NUP210L: variants seen among roughly 807,000 people sequenced by gnomAD.
The protein encoded by NUP210L is nucleoporin 210 like, also known as nuclear pore membrane glycoprotein 210-like.
A neutral mutation model predicts 208.5 loss-of-function variants in NUP210L; 74 were observed. That is an observed-to-expected ratio of 0.35 (90% confidence interval 0.29 to 0.43). NUP210L has a LOEUF of 0.43. NUP210L is among the 20% of genes least tolerant of loss of function. The pLI is 1.00. For missense variants in NUP210L, 1,843 were observed against 2,289.4 expected (o/e 0.81, Z 3.98); for synonymous variants, 780 against 816.9 (o/e 0.95, Z 0.77).
At position 154,054,395 on chromosome 1, in the gene NUP210L, C is replaced by A. The variant is rs1346259463; in HGVS notation, c.3316G>T (p.Gly1106Cys). 5.0e-6 allele frequency: 8 copies of A among 1,614,110 alleles called. No individual in the cohort carries two copies. In the East Asian group the frequency reaches 1.3e-4, roughly 27 times the overall value. Residue 1106 changes from glycine (G) to cysteine (C), a missense_variant, in exon 25 of 40, where the codon GGT becomes TGT. Transcript: ENST00000368559. ...ACGATGGATTGGGGCTGGGGGCCACCTTCAGACATTACCTGGAATTTAAAT... is the reference window on the plus strand; with the variant it reads ...ACGATGGATTGGGGCTGGGGGCCACATTCAGACATTACCTGGAATTTAAAT...
rs183456249 is a variant in NUP210L, at chr1:154,017,844, G to A, written c.4653+1089C>T. On this transcript the variant is annotated intron_variant, in intron 33 of 39. Coordinates refer to ENST00000368559, the Ensembl canonical transcript of NUP210L. ...TTGTTTCTTATAAGTCTTTCTTATT[G>A]GTTCTTCTCTCAGAGCTCCCTTTTT... is the stretch of plus-strand genomic sequence containing the variant. Among the ~76,000 whole-genome samples, 628 of 152,018 alleles carry A rather than the reference G, an allele frequency of 4.1e-3. 2 individuals carry two copies. Among genetic ancestry groups the A allele is most frequent in the Non-Finnish European group, 5.1e-3 (347 of 67,942 alleles).
At chr1:153,999,035 G>C (rs1650058452) in intron 37 of NUP210L, among the ~76,000 whole-genome samples, 1 of 151,882 alleles carries the variant, frequency 6.6e-6, no homozygotes, top group Non-Finnish European at 1.5e-5. Flanking sequence ...TCAGCTCTTG[G>C]GGAAAAATAC....
intron 16 of NUP210L, among the ~76,000 whole-genome samples, chr1:154,072,711 A>C (rs547546491): frequency 6.6e-6 from 1 of 152,302 alleles, no homozygotes; most frequent in East Asian, 1.9e-4. Context: ...GATAACTGGC[A>C]AGCCACATGT....
intron 18 of NUP210L, 119 bp from the exon 19 acceptor site, chr1:154,061,165 G>T: frequency 1.6e-6 from 1 of 638,712 alleles, no homozygotes; most frequent in Non-Finnish European, 2.7e-6. Context: ...ATCACCTGAG[G>T]CCAGGAGTTT....
intron 37 of NUP210L, among the ~76,000 whole-genome samples, chr1:153,996,204 A>G (rs1649853439): frequency 6.6e-6 from 1 of 152,100 alleles, no homozygotes; most frequent in Non-Finnish European, 1.5e-5. Flanking sequence ...AGGCAGAAGA[A>G]TGGCGTGAAC....
chr1:153,998,327 G>C (rs1650017518), intron 37 of NUP210L, among the ~76,000 whole-genome samples: 1 of 152,034 alleles, frequency 6.6e-6, no homozygotes, highest in Non-Finnish European at 1.5e-5. Flanking sequence ...GGCCAAGGTG[G>C]GTGGATCATT....
chr1:154,027,562 G>A, exon 29 of NUP210L: 2 of 1,613,448 alleles, frequency 1.2e-6, no homozygotes, highest in Non-Finnish European at 1.7e-6. Context: ...GCTCTGGTTG[G>A]CACTCTGGAT....
Position 154,106,432 on chromosome 1 carries a change from T to C in NUP210L, c.1621-2222A>G, listed in dbSNP as rs540773711. On this transcript the variant is annotated intron_variant, in intron 12 of 39. Transcript: ENST00000368559. ...AACCTGCCCTGGGCTGGTGAGGAGC[T>C]TCCCATCCTGAAACGAAGGCCACAA... 1.3e-3 allele frequency among the ~76,000 whole-genome samples: 195 copies of C among 152,248 alleles called. 2 individuals are homozygous for C. The South Asian group carries it at 0.02, about 16-fold the overall frequency.
At chr1:154,036,741 C>G (rs1652579880) in intron 27 of NUP210L, among the ~76,000 whole-genome samples, 1 of 152,014 alleles carries the variant, frequency 6.6e-6, no homozygotes, top group Admixed American at 6.6e-5. Flanking sequence ...TTATAGCTCA[C>G]TGCTGGCTTG....
At chr1:154,070,535 C>T (rs936745793) in intron 16 of NUP210L, 70 bp from the exon 17 acceptor site, 6 of 1,047,770 alleles carry the variant, frequency 5.7e-6, no homozygotes, top group African/African-American at 1.6e-5. Flanking sequence ...TAAGATATCT[C>T]TAAAGCTAGG....
At chr1:154,148,782 A>G (rs1237304017) in intron 2 of NUP210L, among the ~76,000 whole-genome samples, 1 of 152,164 alleles carries the variant, frequency 6.6e-6, no homozygotes, top group Non-Finnish European at 1.5e-5. Flanking sequence ...GGGGTCTATG[A>G]ACAAAAAACA....
intron 35 of NUP210L, among the ~76,000 whole-genome samples, 173 bp downstream of exon 35, chr1:154,009,792 CAAAAAAA>C (rs373230285): frequency 1.6e-3 from 103 of 64,588 alleles, no homozygotes; most frequent in African/African-American, 4.4e-3. Context: ...GACCCAGTCT[CAAAAAAA>C]AAAAAAAAAA....
At chr1:154,013,920 A>G (rs1651105850) in intron 33 of NUP210L, among the ~76,000 whole-genome samples, 1 of 151,930 alleles carries the variant, frequency 6.6e-6, no homozygotes, top group African/African-American at 2.4e-5. Flanking sequence ...ACGTGCCACC[A>G]TGCCTGGCTG....
chr1:154,129,403 CA>C (rs1381799613), intron 7 of NUP210L, 58 bp from the exon 8 acceptor site: 7 of 994,134 alleles, frequency 7.0e-6, no homozygotes, highest in Non-Finnish European at 9.4e-6. Flanking sequence ...GGTGAGGTAC[CA>C]AAGGAGAAAA....
chr1:154,074,488 AT>A (rs113689298), intron 16 of NUP210L, among the ~76,000 whole-genome samples: 28,995 of 125,334 alleles, frequency 0.23, 2,160 homozygotes, highest in Admixed American at 0.32. Context: ...TGGGATCACG[AT>A]TTTTTTTTTT....
At position 154,010,267 on chromosome 1, in the gene NUP210L, A is replaced by G. The variant is rs557167176; in HGVS notation, c.4781-146T>C. 4.3e-4 allele frequency: 282 copies of G among 650,084 alleles called. 1 individual carries two copies. In the African/African-American group the frequency reaches 4.7e-3, roughly 11 times the overall value. The allele number at this position is 650,084 out of a possible 1,614,324, so 40.3% of individuals were successfully genotyped here. A position where few individuals can be genotyped will look rare whatever the true frequency, so the allele number is the denominator to read the frequency against. ...GGCTGGTTTGCCCACCTCTGCTTCA[A>G]TCAAGGTGAAAGAATAGTGTGAGAC... On this transcript the variant is annotated intron_variant, in intron 34 of 39. Transcript: ENST00000368559.
intron 10 of NUP210L, among the ~76,000 whole-genome samples, chr1:154,120,559 T>C (rs1288077783): frequency 6.7e-6 from 1 of 149,736 alleles, no homozygotes; most frequent in African/African-American, 2.5e-5. Flanking sequence ...CACACCAACA[T>C]GGCACATGTA....
In NUP210L at chr1:153,992,944, A is replaced by G. The variant is rs760739750; in HGVS notation, c.5567-9T>C. 3.7e-6 allele frequency: 6 copies of G among 1,609,868 alleles called. No individual in the cohort carries two copies. The highest frequency in any genetic ancestry group is 2.2e-5 in the South Asian group (2 of 90,532). ...TGTGGAGTTAAAAAAACCTAGAAGA[A>G]GAGGGAAAAGTTGAGTGAATTAAAC... On this transcript the variant is annotated splice_polypyrimidine_tract_variant and intron_variant, in intron 39 of 39. Coordinates refer to ENST00000368559, the Ensembl canonical transcript of NUP210L.
At chr1:154,046,912 G>T (rs1653211207) in intron 25 of NUP210L, among the ~76,000 whole-genome samples, 3 of 152,126 alleles carry the variant, frequency 2.0e-5, no homozygotes, top group Admixed American at 2.0e-4. Flanking sequence ...TACAAAATTA[G>T]CTGGGTGTGG....
Sources: allele counts gnomAD v4.1 joint callset (sites outside exome capture counted in the v4.1 genomes callset), GRCh38; gene constraint gnomAD v4.1.1; transcripts MANE v1.5; gene names NCBI Gene and HGNC (gene_info 2026-07-23, HGNC 2026-07-21).